GBF1: variants seen among roughly 807,000 people sequenced by gnomAD.
GBF1 encodes golgi brefeldin A resistant guanine nucleotide exchange factor 1, also known as Golgi-specific brefeldin A-resistance guanine nucleotide exchange factor 1.
In GBF1, 114 loss-of-function variants were observed where a neutral mutation model predicts 210.5. That is an observed-to-expected ratio of 0.54 (90% CI 0.47 to 0.63). The LOEUF is 0.63. GBF1 is among the 30% of genes least tolerant of loss of function. The pLI is 0.00. For missense variants in GBF1, 1,851 were observed against 2,357.7 expected (o/e 0.79, Z 4.45); for synonymous variants, 850 against 889.2 (o/e 0.96, Z 0.78).
chr10:102,335,980 T>A (rs964550755), intron 3 of GBF1, among the ~76,000 whole-genome samples: 2 of 151,984 alleles, frequency 1.3e-5, no homozygotes, highest in African/African-American at 4.8e-5. Context: ...GGTAGAATTT[T>A]TATATATATA....
At chr10:102,318,109 C>T (rs1315498893) in intron 3 of GBF1, among the ~76,000 whole-genome samples, 2 of 151,916 alleles carry the variant, frequency 1.3e-5, no homozygotes, top group African/African-American at 4.8e-5. Flanking sequence ...AAGGTTTCAC[C>T]GTGGTCTCGA....
intron 3 of GBF1, among the ~76,000 whole-genome samples, chr10:102,297,057 G>GA (rs61709367): frequency 0.33 from 48,634 of 149,628 alleles, 8,576 homozygotes; most frequent in South Asian, 0.48. Flanking sequence ...AAAAAAAAAG[G>GA]AAAAAAAAGG....
rs371868617 is a variant in GBF1 at position 102,379,573 on chromosome 10, G to C, written c.4698G>C (p.Leu1566=). The C allele has an allele frequency of 4.8e-5, 77 of 1,613,890 alleles. 1 individual carries two copies. Among genetic ancestry groups the C allele is most frequent in the South Asian group, 3.0e-4 (27 of 91,064 alleles). Residue 1566 remains leucine, a synonymous_variant, in exon 35 of 40, where the codon CTG becomes CTC. Transcript: ENST00000369983. ...DARRQVRMQA[L]TYLQRALLVH... is the part of the protein sequence containing the mutation. Reference sequence around the variant, plus strand: ...GGCGCCAGGTACGGATGCAGGCACTGACCTATCTGCAGCGAGCACTACTTG... The same window carrying C: ...GGCGCCAGGTACGGATGCAGGCACTCACCTATCTGCAGCGAGCACTACTTG...
In GBF1 at chr10:102,271,460, C is replaced by T. The variant is rs1001713546; in HGVS notation, c.163+11344C>T. 5.9e-5 allele frequency among the ~76,000 whole-genome samples: 9 copies of T among 151,812 alleles called. 1 individual carries two copies. Among genetic ancestry groups the T allele is most frequent in the Non-Finnish European group, 1.3e-4 (9 of 67,962 alleles). On this transcript the variant is annotated intron_variant, in intron 3 of 39. Coordinates refer to ENST00000369983, the MANE Select transcript of GBF1 (RefSeq NM_001377137.1). Reference sequence around the variant, plus strand: ...TAACCTCCCAAAATTGTTGAGATTACAGGTGTGAGCCACTGCACCTGGCCC... The same window carrying T: ...TAACCTCCCAAAATTGTTGAGATTATAGGTGTGAGCCACTGCACCTGGCCC...
chr10:102,282,364 C>T (rs1295617123), intron 3 of GBF1, among the ~76,000 whole-genome samples: 3 of 152,058 alleles, frequency 2.0e-5, no homozygotes, highest in African/African-American at 7.2e-5. Flanking sequence ...ACAGTAAAAG[C>T]TTCTTTTAAA....
intron 3 of GBF1, among the ~76,000 whole-genome samples, chr10:102,320,864 C>T (rs1010053505): frequency 1.1e-4 from 16 of 151,510 alleles, no homozygotes; most frequent in Non-Finnish European, 1.5e-4. Flanking sequence ...CTCGGAGTCT[C>T]GGCTCACTAC....
intron 29 of GBF1, among the ~76,000 whole-genome samples, chr10:102,372,902 A>G (rs768897558): frequency 2.0e-5 from 3 of 152,242 alleles, no homozygotes; most frequent in Non-Finnish European, 2.9e-5. Flanking sequence ...CTCTTGCCTC[A>G]ACACTGTCTG....
chr10:102,248,698 C>T (rs1590437333), intron 1 of GBF1, among the ~76,000 whole-genome samples: 1 of 152,030 alleles, frequency 6.6e-6, no homozygotes, highest in South Asian at 2.1e-4. Context: ...TGCAGAGGAA[C>T]GATCACAGCT....
At chr10:102,231,121 G>A in the GBF1 span, 3 of 1,513,828 alleles carry the variant, frequency 2.0e-6, no homozygotes, top group African/African-American at 2.8e-5. Context: ...CGGGAGAAAG[G>A]CGGTCAGGGC....
chr10:102,236,748 C>T, the GBF1 span, among the ~76,000 whole-genome samples: 1 of 152,290 alleles, frequency 6.6e-6, no homozygotes, highest in South Asian at 2.1e-4. Context: ...TGAGAGCCCA[C>T]AATCGGTTGC....
At chr10:102,265,453 G>A (rs2073759059) in intron 3 of GBF1, among the ~76,000 whole-genome samples, 1 of 152,080 alleles carries the variant, frequency 6.6e-6, no homozygotes, top group Non-Finnish European at 1.5e-5. Context: ...CAAGACAGCA[G>A]GATTACTTGA....
intron 3 of GBF1, among the ~76,000 whole-genome samples, chr10:102,290,603 A>G (rs981732033): frequency 6.6e-6 from 1 of 152,074 alleles, no homozygotes; most frequent in African/African-American, 2.4e-5. Context: ...GGCTTAGGTG[A>G]TCCTCCATCT....
intron 3 of GBF1, among the ~76,000 whole-genome samples, chr10:102,314,123 G>A (rs2078722682): frequency 6.8e-6 from 1 of 146,600 alleles, no homozygotes; most frequent in Admixed American, 6.9e-5. Context: ...TAAGGAAGAA[G>A]AAATCCTTTA....
chr10:102,343,134 G>A (rs551968321), intron 3 of GBF1, among the ~76,000 whole-genome samples: 2 of 152,134 alleles, frequency 1.3e-5, no homozygotes, highest in African/African-American at 4.8e-5. Flanking sequence ...CAGTGGTTAC[G>A]AACTTCCAAG....
chr10:102,379,328 C>G lies in GBF1; in HGVS notation c.4539C>G (p.Ile1513Met), dbSNP rs773313173. The change falls in exon 34 of 40, where the codon ATC becomes ATG. Residue 1513 changes from isoleucine (I) to methionine (M), a missense_variant. Transcript: ENST00000369983. The part of the protein sequence containing the change: ...MHTLHTRAAS[I>M]YSSWAEEQRH... ...CCCTGCACACGCGGGCAGCCTCTAT[C>G]TACAGCTCATGGGCGGAGGAGCAAC... 4.3e-6 allele frequency: 7 copies of G among 1,613,920 alleles called. No homozygotes were observed. The Admixed American group carries it at 1.2e-4, about 27-fold the overall frequency.
At chr10:102,334,173 G>A (rs1264175806) in intron 3 of GBF1, among the ~76,000 whole-genome samples, 1 of 152,102 alleles carries the variant, frequency 6.6e-6, no homozygotes, top group Non-Finnish European at 1.5e-5. Flanking sequence ...AGACTCTGAG[G>A]GCAAAAAGGT....
intron 8 of GBF1, among the ~76,000 whole-genome samples, chr10:102,356,198 C>G (rs1327077552): frequency 6.6e-6 from 1 of 152,104 alleles, no homozygotes; most frequent in African/African-American, 2.4e-5. Flanking sequence ...GTTCTGAGAG[C>G]TTGGGGGAGC....
At chr10:102,271,810 G>C (rs527633955) in intron 3 of GBF1, among the ~76,000 whole-genome samples, 3 of 152,054 alleles carry the variant, frequency 2.0e-5, no homozygotes, top group Admixed American at 2.0e-4. Flanking sequence ...GGAGTACAGT[G>C]GTGTGATCTC....
At chr10:102,342,043 T>C (rs533851160) in intron 3 of GBF1, among the ~76,000 whole-genome samples, 1 of 151,572 alleles carries the variant, frequency 6.6e-6, no homozygotes, top group African/African-American at 2.4e-5. Flanking sequence ...ATGTACTTTT[T>C]TTTTTTTTTT....
Sources: gnomAD v4.1 joint callset for allele counts (sites outside exome capture counted in the v4.1 genomes callset) on GRCh38, gnomAD v4.1.1 for gene constraint, MANE v1.5 for transcripts, NCBI Gene and HGNC (gene_info 2026-07-23, HGNC 2026-07-21) for gene names.